Variants in MITF observed in about 807,000 individuals in gnomAD.
The protein encoded by MITF is melanocyte inducing transcription factor, also known as microphthalmia-associated transcription factor.
MITF carries 17 observed loss-of-function variants against 60.5 expected under a neutral mutation model. That is an observed-to-expected ratio of 0.28 (90% CI 0.19 to 0.42). The LOEUF is 0.42. MITF is among the 10% of genes least tolerant of loss of function. The pLI, the probability that MITF is intolerant of heterozygous loss-of-function variation, is 1.00. For synonymous variants in MITF, 260 were observed against 248.5 expected, an observed-to-expected ratio of 1.05 and a Z score of -0.43; for missense variants, 622 against 683.5, an observed-to-expected ratio of 0.91 and a Z score of 1.00.
At chr3:69,839,206 G>T (rs1421654430) in intron 1 of MITF, among the ~76,000 whole-genome samples, 2 of 150,838 alleles carry the variant, frequency 1.3e-5, no homozygotes, top group African/African-American at 4.9e-5. Context: ...AAGTGGCTGG[G>T]TTCTAACTCC....
chr3:69,963,970 CTTTTTTTTT>C (rs56921812), intron 9 of MITF, among the ~76,000 whole-genome samples: 1 of 86,124 alleles, frequency 1.2e-5, no homozygotes, highest in Non-Finnish European at 2.1e-5. Context: ...TTTTTCTTTT[CTTTTTTTTT>C]TTTTTTTTTT....
At chr3:69,798,137 G>A (rs1429720265) in intron 1 of MITF, among the ~76,000 whole-genome samples, 1 of 152,198 alleles carries the variant, frequency 6.6e-6, no homozygotes, top group East Asian at 1.9e-4. Context: ...CATGTGTAAA[G>A]TGGGGATAAT....
At position 69,947,859 on chromosome 3, in the gene MITF, G is replaced by T. The variant is rs2066139246; in HGVS notation, c.763-1192G>T. On this transcript the variant is annotated intron_variant, in intron 5 of 9. Transcript: ENST00000352241. ...GGCTATCACAGAAATAGATGCAATG[G>T]TTATCAATGAGGGGAAGCACATTCG... Among the ~76,000 whole-genome samples, 7 of 152,162 alleles carry T rather than the reference G, an allele frequency of 4.6e-5. 2 individuals carry two copies. The South Asian group carries it at 1.5e-3, about 32-fold the overall frequency.
rs1397607545 is a variant in MITF at position 69,937,925 on chromosome 3, A to G, written c.458A>G (p.Asn153Ser). ...LSTTLANKHANQVLSLPCPNQ... is the reference protein window; with the variant it reads ...LSTTLANKHASQVLSLPCPNQ... ...ACCACTTTAGCAAATAAACATGCCA[A>G]CCAAGTCCTGAGCTTGCCATGTCCA... is the stretch of plus-strand genomic sequence containing the variant. The change falls in exon 3 of 10, where the codon AAC becomes AGC. Residue 153 changes from asparagine to serine, a missense_variant. By Grantham distance (46) the Asn-to-Ser change is conservative. Around this residue, in one of 5 missense-constraint regions of MITF, gnomAD observed 215 missense variants for 224.8 expected, o/e 0.96. Coordinates refer to ENST00000352241, the MANE Select transcript of MITF (RefSeq NM_001354604.2). 1 of 1,614,094 alleles carries G rather than the reference A, an allele frequency of 6.2e-7. No individual in the cohort carries two copies.
chr3:69,812,183 G>A (rs773264233), intron 1 of MITF, among the ~76,000 whole-genome samples: 13 of 152,124 alleles, frequency 8.5e-5, no homozygotes, highest in Non-Finnish European at 1.8e-4. Flanking sequence ...AATGAAGACA[G>A]TAAGTTATAG....
chr3:69,919,018 C>G (rs913698651), intron 2 of MITF, among the ~76,000 whole-genome samples: 1 of 152,184 alleles, frequency 6.6e-6, no homozygotes, highest in African/African-American at 2.4e-5. Context: ...CTTTCTCTGT[C>G]TCTTCTCGCT....
intron 1 of MITF, among the ~76,000 whole-genome samples, chr3:69,833,344 C>T (rs62252217): frequency 0.5 from 75,895 of 151,582 alleles, 20,694 homozygotes; most frequent in Non-Finnish European, 0.63. Flanking sequence ...CCTGTTCACA[C>T]TGTATGTAGT....
chr3:69,755,502 C>A (rs1284987670), intron 1 of MITF, among the ~76,000 whole-genome samples: 1 of 103,342 alleles, frequency 9.7e-6, no homozygotes, highest in Admixed American at 1.5e-4. Flanking sequence ...ACTTTAGAGA[C>A]TAGGATATAA....
chr3:69,803,246 T>A (rs997003583), intron 1 of MITF, among the ~76,000 whole-genome samples: 2 of 152,248 alleles, frequency 1.3e-5, no homozygotes, highest in African/African-American at 4.8e-5. Flanking sequence ...TTTGTTCATT[T>A]ATTCATTGAC....
intron 1 of MITF, among the ~76,000 whole-genome samples, chr3:69,749,022 A>G (rs1329345003): frequency 2.0e-5 from 3 of 152,222 alleles, no homozygotes. Context: ...TCTAGGAAGC[A>G]TGTTTTTCAA....
intron 1 of MITF, among the ~76,000 whole-genome samples, chr3:69,814,598 G>T (rs2063151807): frequency 6.6e-6 from 1 of 152,084 alleles, no homozygotes; most frequent in African/African-American, 2.4e-5. Flanking sequence ...CAAATTGTTG[G>T]GATGAACCAG....
intron 1 of MITF, among the ~76,000 whole-genome samples, chr3:69,776,246 A>G (rs1288531727): frequency 1.3e-5 from 2 of 152,240 alleles, no homozygotes; most frequent in East Asian, 3.8e-4. Context: ...TAAAAATACC[A>G]GCTACCTTCA....
intron 2 of MITF, among the ~76,000 whole-genome samples, chr3:69,907,128 A>C (rs1350533836): frequency 6.6e-6 from 1 of 152,128 alleles, no homozygotes; most frequent in Non-Finnish European, 1.5e-5. Context: ...TCCCTCCATA[A>C]TCTTGTGTTC....
intron 1 of MITF, among the ~76,000 whole-genome samples, chr3:69,752,949 A>C (rs757275513): frequency 6.6e-6 from 1 of 152,230 alleles, no homozygotes; most frequent in Non-Finnish European, 1.5e-5. Context: ...AAGTAATTCA[A>C]GCAGGCTACA....
At chr3:69,864,194 AG>A (rs914134762) in intron 1 of MITF, among the ~76,000 whole-genome samples, 2 of 152,206 alleles carry the variant, frequency 1.3e-5, no homozygotes, top group Non-Finnish European at 2.9e-5. Context: ...CAGAAAGTTT[AG>A]AAAATTTGTA....
intron 2 of MITF, among the ~76,000 whole-genome samples, chr3:69,915,016 T>C (rs1188010840): frequency 6.6e-6 from 1 of 152,198 alleles, no homozygotes; most frequent in Non-Finnish European, 1.5e-5. Flanking sequence ...CGTAGTTTAG[T>C]AGGTTCTTCA....
At chr3:69,873,899 G>A (rs558344793) in intron 1 of MITF, among the ~76,000 whole-genome samples, 1 of 152,290 alleles carries the variant, frequency 6.6e-6, no homozygotes, top group East Asian at 1.9e-4. Context: ...AAACAAATCA[G>A]AATTTCCAGG....
intron 1 of MITF, among the ~76,000 whole-genome samples, chr3:69,781,058 C>G (rs2062555286): frequency 6.6e-6 from 1 of 151,894 alleles, no homozygotes; most frequent in Non-Finnish European, 1.5e-5. Context: ...TTTAGAAAAC[C>G]ACATAATAGT....
intron 1 of MITF, chr3:69,838,656 G>A (rs78124318): frequency 0.019 from 2,859 of 152,692 alleles, 38 homozygotes; most frequent in Middle Eastern, 0.048. Flanking sequence ...TGCTTTTCTG[G>A]TTTTAAAATA....
Sources: gnomAD v4.1 joint callset for allele counts (sites outside exome capture counted in the v4.1 genomes callset) on GRCh38, gnomAD v4.1.1 for gene constraint, gnomAD v4.1.1 regional missense constraint, MANE v1.5 for transcripts, NCBI Gene and HGNC (gene_info 2026-07-23, HGNC 2026-07-21) for gene names.